The following KCNIP4 variants were observed in gnomAD, a reference collection of about 807,000 sequenced individuals.
KCNIP4 encodes the protein potassium voltage-gated channel interacting protein 4, also known as Kv channel-interacting protein 4.
In KCNIP4, 12 loss-of-function variants were observed where a neutral mutation model predicts 34.0. That is an observed-to-expected ratio of 0.35 (90% confidence interval 0.23 to 0.57). The LOEUF (loss-of-function observed/expected upper bound fraction) is 0.57. Among genes scored for constraint, KCNIP4 ranks in the 20% least tolerant of loss-of-function variants. KCNIP4 has a pLI of 0.83. For missense variants in KCNIP4, 238 were observed against 311.7 expected, an observed-to-expected ratio of 0.76 and a Z score of 1.78; for synonymous variants, 124 against 102.2, an observed-to-expected ratio of 1.21 and a Z score of -1.29.
chr4:20,858,420 A>G lies in KCNIP4; in HGVS notation c.164-7753T>C, dbSNP rs139064075. 7.2e-5 allele frequency among the ~76,000 whole-genome samples: 11 copies of G among 152,200 alleles called. No homozygotes were observed. In the East Asian group the frequency reaches 2.1e-3, roughly 29 times the overall value. ...CATTGTGTTATGGCAGCCCTAGCAA[A>G]CTAATATATCTACCTATATTCAAAT... On this transcript the variant is annotated intron_variant, in intron 2 of 8. Coordinates refer to ENST00000382152, the MANE Select transcript of KCNIP4 (RefSeq NM_025221.6).
rs527777242 is a variant in KCNIP4 at position 21,683,021 on chromosome 4, C to T, written c.61+265550G>A. On this transcript the variant is annotated intron_variant, in intron 1 of 8. Transcript: ENST00000382152. The stretch of plus-strand genomic sequence containing the variant: ...ATGGCGCTGATAGTATTGCAAAAGG[C>T]AGGGTTGCCATGAAACTTCAATTTG... 1.1e-3 allele frequency among the ~76,000 whole-genome samples: 167 copies of T among 152,246 alleles called. 1 individual carries two copies. The highest frequency in any genetic ancestry group is 3.9e-3 in the African/African-American group (162 of 41,550).
intron 1 of KCNIP4, among the ~76,000 whole-genome samples, chr4:21,453,942 T>C (rs796404562): frequency 1.3e-5 from 2 of 152,026 alleles, no homozygotes; most frequent in South Asian, 2.1e-4. Flanking sequence ...CATTTCTTCA[T>C]CTTGAAACAA....
intron 1 of KCNIP4, among the ~76,000 whole-genome samples, chr4:21,251,660 C>T (rs576127197): frequency 6.6e-6 from 1 of 152,048 alleles, no homozygotes; most frequent in Non-Finnish European, 1.5e-5. Context: ...GGCACATATA[C>T]ACCATGGAAT....
intron 3 of KCNIP4, among the ~76,000 whole-genome samples, chr4:20,840,165 T>C (rs1227884823): frequency 2.0e-5 from 3 of 152,168 alleles, no homozygotes; most frequent in Non-Finnish European, 2.9e-5. Flanking sequence ...GCTGGGAGAA[T>C]TAAGCACTTC....
At chr4:21,726,320 C>T (rs1292720625) in intron 1 of KCNIP4, among the ~76,000 whole-genome samples, 1 of 152,118 alleles carries the variant, frequency 6.6e-6, no homozygotes, top group African/African-American at 2.4e-5. Flanking sequence ...TACAGTCTCT[C>T]AAAGAGGCAT....
At chr4:21,793,241 G>A (rs1346893760) in intron 1 of KCNIP4, among the ~76,000 whole-genome samples, 1 of 152,130 alleles carries the variant, frequency 6.6e-6, no homozygotes, top group Non-Finnish European at 1.5e-5. Flanking sequence ...ACATTGACAC[G>A]TTCTGGACAA....
chr4:21,618,702 G>T (rs1577702737), intron 1 of KCNIP4, among the ~76,000 whole-genome samples: 1 of 138,136 alleles, frequency 7.2e-6, no homozygotes, highest in South Asian at 2.3e-4. Context: ...GCGTGATCTT[G>T]GCTCACTGCA....
chr4:21,273,318 A>C (rs1358921594), intron 1 of KCNIP4, among the ~76,000 whole-genome samples: 1 of 152,076 alleles, frequency 6.6e-6, no homozygotes, highest in Non-Finnish European at 1.5e-5. Context: ...GACTGTTCTA[A>C]TGGACAGTAT....
At chr4:20,773,295 C>T (rs1756076992) in intron 3 of KCNIP4, among the ~76,000 whole-genome samples, 1 of 152,194 alleles carries the variant, frequency 6.6e-6, no homozygotes, top group African/African-American at 2.4e-5. Context: ...TTTCCACCCT[C>T]CTTTGCCTTC....
chr4:20,816,967 T>A (rs1025325984), intron 3 of KCNIP4, among the ~76,000 whole-genome samples: 1 of 152,170 alleles, frequency 6.6e-6, no homozygotes, highest in African/African-American at 2.4e-5. Context: ...GATGTTCAGG[T>A]CAGTTTTACA....
chr4:21,469,506 C>T lies in KCNIP4; in HGVS notation c.61+479065G>A, dbSNP rs573424280. Among the ~76,000 whole-genome samples, 339 of 152,264 alleles carry T rather than the reference C, an allele frequency of 2.2e-3. 2 individuals carry two copies. The highest frequency in any genetic ancestry group is 7.8e-3 in the African/African-American group (326 of 41,558). ...TGAAATAATATCTTCATCTTAAAAACATGATTACAAGCATCTTTTAAAATA... is the reference window on the plus strand; with the variant it reads ...TGAAATAATATCTTCATCTTAAAAATATGATTACAAGCATCTTTTAAAATA... On this transcript the variant is annotated intron_variant, in intron 1 of 8. Transcript: ENST00000382152.
chr4:21,441,962 TAA>T (rs1250672238), intron 1 of KCNIP4, among the ~76,000 whole-genome samples: 2 of 152,338 alleles, frequency 1.3e-5, no homozygotes, highest in Non-Finnish European at 1.5e-5. Context: ...AAATATCCAC[TAA>T]ATATCATCTA....
chr4:20,913,226 A>G (rs372765587), intron 1 of KCNIP4, among the ~76,000 whole-genome samples: 2 of 152,176 alleles, frequency 1.3e-5, no homozygotes, highest in South Asian at 2.1e-4. Context: ...GGTGGATCTT[A>G]AAAACAATGT....
intron 1 of KCNIP4, among the ~76,000 whole-genome samples, chr4:21,481,285 G>A (rs1367025448): frequency 6.6e-6 from 1 of 152,174 alleles, no homozygotes; most frequent in South Asian, 2.1e-4. Flanking sequence ...TATTTGAGCA[G>A]TGCTTTGACA....
Position 20,979,643 on chromosome 4 carries a change from C to T in KCNIP4, c.62-96934G>A, listed in dbSNP as rs145836775. Among the ~76,000 whole-genome samples the T allele has an allele frequency of 9.9e-3, 1,503 of 152,060 alleles. 9 individuals carry two copies. The highest frequency in any genetic ancestry group is 0.017 in the Middle Eastern group (5 of 294). The stretch of plus-strand genomic sequence containing the variant: ...TCCATCTCCTGACCTCGTGATCCAC[C>T]CGCCTCGGCCTCCCAAAGTGCTGGG... On this transcript the variant is annotated intron_variant, in intron 1 of 8. Coordinates refer to ENST00000382152, the MANE Select transcript of KCNIP4 (RefSeq NM_025221.6).
rs80281126 is a variant in KCNIP4, at chr4:21,468,505, A to T, written c.61+480066T>A. On this transcript the variant is annotated intron_variant, in intron 1 of 8. Coordinates refer to ENST00000382152, the MANE Select transcript of KCNIP4 (RefSeq NM_025221.6). ...TACGCGGCGGACCCAAGTTCGCTTG[A>T]ATGGTAAACGAGCGATGATTTGTAA... Among the ~76,000 whole-genome samples, 836 of 152,306 alleles carry T rather than the reference A, an allele frequency of 5.5e-3. 8 individuals are homozygous for T. Among genetic ancestry groups the T allele is most frequent in the African/African-American group, 0.019 (805 of 41,578 alleles).
intron 2 of KCNIP4, among the ~76,000 whole-genome samples, chr4:20,873,384 T>C (rs2149512753): frequency 6.6e-6 from 1 of 152,304 alleles, no homozygotes; most frequent in Middle Eastern, 3.4e-3. Flanking sequence ...TGCTCAAGTG[T>C]TAGCTATTGA....
chr4:21,449,782 G>C (rs1247708977), intron 1 of KCNIP4, among the ~76,000 whole-genome samples: 2 of 151,658 alleles, frequency 1.3e-5, no homozygotes, highest in Non-Finnish European at 2.9e-5. Context: ...AGTGGTACTG[G>C]TACATAAGAG....
intron 1 of KCNIP4, among the ~76,000 whole-genome samples, chr4:21,363,088 A>G (rs1210854200): frequency 6.6e-6 from 1 of 152,048 alleles, no homozygotes; most frequent in Non-Finnish European, 1.5e-5. Context: ...CTTTTTGCAA[A>G]TGAGAAAACA....
Sources: allele counts gnomAD v4.1 joint callset (sites outside exome capture counted in the v4.1 genomes callset), GRCh38; gene constraint gnomAD v4.1.1; transcripts MANE v1.5; gene names NCBI Gene and HGNC (gene_info 2026-07-23, HGNC 2026-07-21).